Variants in SORBS3 observed in about 807,000 individuals in gnomAD.
SORBS3 encodes the protein sorbin and SH3 domain containing 3.
A neutral mutation model predicts 98.0 loss-of-function variants in SORBS3; 69 were observed. The ratio of observed to expected loss-of-function variants is 0.70; its 90% CI spans 0.58 to 0.86. The LOEUF (loss-of-function observed/expected upper bound fraction) is 0.86, where lower values mean the gene tolerates loss of function less well. Among genes scored for constraint, SORBS3 ranks in the 40% least tolerant of loss-of-function variants. The pLI, the probability that SORBS3 is intolerant of heterozygous loss-of-function variation, is 0.00. For missense variants in SORBS3, 954 were observed against 908.5 expected, an observed-to-expected ratio of 1.05 and a Z score of -0.64; for synonymous variants, 394 against 355.4, an observed-to-expected ratio of 1.11 and a Z score of -1.22.
chr8:22,568,932 ATTC>A (rs1424417753), intron 16 of SORBS3, among the ~76,000 whole-genome samples: 1 of 152,134 alleles, frequency 6.6e-6, no homozygotes, highest in Non-Finnish European at 1.5e-5. Context: ...CCTATGGAAA[ATTC>A]TTCTTCCAGG....
rs146179804 is a variant in SORBS3, at chr8:22,554,532, G to T, written c.26G>T (p.Arg9Leu). The T allele has an allele frequency of 1.9e-6, 3 of 1,612,520 alleles. No homozygotes were observed. Among genetic ancestry groups the T allele is most frequent in the Non-Finnish European group, 2.5e-6 (3 of 1,179,932 alleles). The change falls in exon 2 of 21, where the codon CGC (arginine) becomes CTC (leucine). Residue 9 changes from arginine (R) to leucine (L), a missense_variant. Arg to Leu is a moderately radical substitution (Grantham distance 102). Coordinates refer to ENST00000240123, the MANE Select transcript of SORBS3 (RefSeq NM_005775.5). This position sits in a 1 kb window ranked among gnomAD's most constrained non-coding sequence, Gnocchi z 6.5. MQGPPRSL[R>L]AGLSLDDFIP... ...ATGCAGGGCCCACCCCGCAGCCTCCGCGCTGGGCTCAGCCTGGACGACTTC... is the reference window on the plus strand; with the variant it reads ...ATGCAGGGCCCACCCCGCAGCCTCCTCGCTGGGCTCAGCCTGGACGACTTC...
chr8:22,561,706 C>T, intron 6 of SORBS3, 159 bp from the exon 7 acceptor site: 2 of 663,082 alleles, frequency 3.0e-6, no homozygotes, highest in Admixed American at 5.0e-5. Context: ...GCAATGCCCG[C>T]GTTCAGTGTC....
At position 22,558,122 on chromosome 8, in the gene SORBS3, A is replaced by G; in HGVS notation, c.415-7A>G. On this transcript the variant is annotated splice_polypyrimidine_tract_variant and splice_region_variant and intron_variant, in intron 4 of 20. Coordinates refer to ENST00000240123, the MANE Select transcript of SORBS3 (RefSeq NM_005775.5). ...GGGAGGACTGACTTTGCATTTTCTGATCCCAGAGCGTTGACAGACCCAGAG... is the reference window on the plus strand; with the variant it reads ...GGGAGGACTGACTTTGCATTTTCTGGTCCCAGAGCGTTGACAGACCCAGAG... 6.2e-7 allele frequency: 1 copy of G among 1,614,080 alleles called. No individual in the cohort carries two copies. The highest frequency in any genetic ancestry group is 1.1e-5 in the South Asian group (1 of 91,080).
At chr8:22,564,147 T>A (rs1482819627) in intron 8 of SORBS3, 70 bp downstream of exon 8, 1 of 1,532,250 alleles carries the variant, frequency 6.5e-7, no homozygotes, top group African/African-American at 1.4e-5. Flanking sequence ...TATGCCACGA[T>A]GTCCTTTCAG....
rs530204545 is a variant in SORBS3, at chr8:22,564,099, C to T, written c.675+22C>T. 7 of 1,607,094 alleles carry T rather than the reference C, an allele frequency of 4.4e-6. No individual in the cohort carries two copies. In the South Asian group the frequency reaches 5.5e-5, roughly 13 times the overall value. On this transcript the variant is annotated intron_variant, in intron 8 of 20. Transcript: ENST00000240123. ...TCAGGTAGCCCACCCAGCATAGTCC[C>T]TGGTCAGCCCCAGCTGTATGCCGTA...
Position 22,561,871 on chromosome 8 carries a change from G to C in SORBS3, c.524G>C (p.Arg175Thr). The C allele has an allele frequency of 6.2e-7, 1 of 1,614,146 alleles. No homozygotes were observed. The highest frequency in any genetic ancestry group is 8.5e-7 in the Non-Finnish European group (1 of 1,179,988). Residue 175 changes from arginine to threonine, a missense_variant, in exon 7 of 21, where the codon AGG (arginine) becomes ACG (threonine). By Grantham distance (71) the Arg-to-Thr change is moderately conservative. Coordinates refer to ENST00000240123, the MANE Select transcript of SORBS3 (RefSeq NM_005775.5). ...TCGTGTACCTCCTCTGCAGACCCCAGGCATCTAGGAGCCCAGCAAAGACCT... is the reference window on the plus strand; with the variant it reads ...TCGTGTACCTCCTCTGCAGACCCCACGCATCTAGGAGCCCAGCAAAGACCT... ...WTFEEPPRDP[R>T]HLGAQQRPAH... is the part of the protein sequence containing the mutation.
At chr8:22,557,603 C>T (rs1448775315) in intron 4 of SORBS3, among the ~76,000 whole-genome samples, 3 of 151,990 alleles carry the variant, frequency 2.0e-5, no homozygotes, top group African/African-American at 4.8e-5. Flanking sequence ...ACCAAGAGTT[C>T]CAGACCAGCC....
chr8:22,569,168 C>T lies in SORBS3; in HGVS notation c.1326C>T (p.Ile442=), dbSNP rs1260866835. 6.2e-7 allele frequency: 1 copy of T among 1,610,298 alleles called. No homozygotes were observed. The highest frequency in any genetic ancestry group is 1.1e-5 in the South Asian group (1 of 90,434). Residue 442 remains isoleucine, a synonymous_variant, in exon 17 of 21, where the codon ATC becomes ATT. Transcript: ENST00000240123. ...TGCAGGTGCTGCCCGCAGATGAGATCCCTAAGCCCATCAAGCCCCCGACCT... is the reference window on the plus strand; with the variant it reads ...TGCAGGTGCTGCCCGCAGATGAGATTCCTAAGCCCATCAAGCCCCCGACCT... ...NYVEVLPADE[I]PKPIKPPTYQ...
chr8:22,559,042 G>A (rs927915375), intron 5 of SORBS3, among the ~76,000 whole-genome samples: 6 of 152,326 alleles, frequency 3.9e-5, no homozygotes, highest in East Asian at 3.9e-4. Context: ...CAGCTTTTAC[G>A]GTGCAAATAA....
At chr8:22,556,170 T>C (rs1268375726) in intron 3 of SORBS3, among the ~76,000 whole-genome samples, 2 of 152,346 alleles carry the variant, frequency 1.3e-5, no homozygotes, top group African/African-American at 4.8e-5. Flanking sequence ...GTCTGGGGAA[T>C]GGGTTTCTGA....
At chr8:22,566,915 C>T (rs867088828) in intron 15 of SORBS3, 47 bp downstream of exon 15, 1 of 1,591,792 alleles carries the variant, frequency 6.3e-7, no homozygotes, top group East Asian at 2.3e-5. Flanking sequence ...CAATCTCTGC[C>T]ATCCCAGAGG....
chr8:22,564,634 C>T, intron 10 of SORBS3, 113 bp downstream of exon 10: 3 of 1,474,612 alleles, frequency 2.0e-6, no homozygotes, highest in Non-Finnish European at 2.8e-6. Context: ...TCTCTCCAGT[C>T]CCACATGGTT....
upstream of SORBS3, among the ~76,000 whole-genome samples, chr8:22,551,148 C>G (rs952130857): frequency 6.8e-6 from 1 of 146,504 alleles, no homozygotes; most frequent in Non-Finnish European, 1.5e-5. The surrounding 1 kb of genome is among the most constrained non-coding windows in gnomAD (Gnocchi z 5.8). Context: ...CCACCCTTAT[C>G]CTCTTTAGGG....
intron 7 of SORBS3, 68 bp downstream of exon 7, chr8:22,561,999 G>T (rs1441982129): frequency 6.8e-7 from 1 of 1,479,658 alleles, no homozygotes; most frequent in Non-Finnish European, 9.4e-7. Flanking sequence ...TGGGACGGGC[G>T]CCCCCTCGTG....
In SORBS3 at chr8:22,569,184, C is replaced by A. The variant is rs369118889; in HGVS notation, c.1342C>A (p.Pro448Thr). 2 of 1,611,242 alleles carry A rather than the reference C, an allele frequency of 1.2e-6. No individual in the cohort carries two copies. Among genetic ancestry groups the A allele is most frequent in the Admixed American group, 3.4e-5 (2 of 59,656 alleles). ...PADEIPKPIKPPTYQVLEYGE... is the reference protein window; with the variant it reads ...PADEIPKPIKTPTYQVLEYGE... ...AGATGAGATCCCTAAGCCCATCAAG[C>A]CCCCGACCTACCAGGTGCTGGAGTA... The change falls in exon 17 of 21, where the codon CCC becomes ACC. Residue 448 changes from proline (P) to threonine (T), a missense_variant. By Grantham distance (38) the Pro-to-Thr change is conservative. Transcript: ENST00000240123.
At chr8:22,570,743 T>G (rs991234161) in intron 17 of SORBS3, among the ~76,000 whole-genome samples, 167 bp from the exon 18 acceptor site, 1 of 152,102 alleles carries the variant, frequency 6.6e-6, no homozygotes, top group South Asian at 2.1e-4. Flanking sequence ...TGGGCTTGGC[T>G]CCTGGCTCCT....
intron 17 of SORBS3, among the ~76,000 whole-genome samples, chr8:22,570,489 T>TGACA (rs1215804616): frequency 6.6e-6 from 1 of 152,124 alleles, no homozygotes; most frequent in Non-Finnish European, 1.5e-5. Flanking sequence ...CACCTCATAG[T>TGACA]GACAGTATGG....
At chr8:22,574,545 C>G (rs1474286512) in intron 20 of SORBS3, 122 bp from the exon 21 acceptor site, 1 of 928,118 alleles carries the variant, frequency 1.1e-6, no homozygotes, top group Non-Finnish European at 1.7e-6. Flanking sequence ...AATTCCCTCT[C>G]TGGGCTCCCC....
exon 1 of SORBS3, chr8:22,545,040 G>C (rs1449029684): frequency 1.3e-5 from 2 of 152,206 alleles, no homozygotes; most frequent in African/African-American, 2.4e-5. Context: ...GTGGGTATGG[G>C]CTCCAATTTC....
Sources: gnomAD v4.1 joint callset for allele counts (sites outside exome capture counted in the v4.1 genomes callset) on GRCh38, gnomAD v4.1.1 for gene constraint, Gnocchi (gnomAD v3.1) non-coding constraint, MANE v1.5 for transcripts, NCBI Gene and HGNC (gene_info 2026-07-23, HGNC 2026-07-21) for gene names.